DENND1A: variants seen among roughly 807,000 people sequenced by gnomAD.
DENND1A encodes the protein DENN domain containing 1A, also known as DENN domain-containing protein 1A.
Under a neutral mutation model 113.7 loss-of-function variants are expected in DENND1A, and 51 were observed. That is an observed-to-expected ratio of 0.45 (90% CI 0.36 to 0.57). The LOEUF is 0.57. Ranked by LOEUF, DENND1A falls within the 20% of genes least tolerant of loss-of-function variation. DENND1A has a pLI of 0.00. For synonymous variants in DENND1A, 565 were observed against 570.8 expected (o/e 0.99, Z 0.14); for missense variants, 1,258 against 1,395.9 (o/e 0.90, Z 1.57).
At chr9:123,825,790 T>C (rs1372229051) in intron 2 of DENND1A, among the ~76,000 whole-genome samples, 1 of 152,268 alleles carries the variant, frequency 6.6e-6, no homozygotes, top group Non-Finnish European at 1.5e-5. Flanking sequence ...TTCACCCCTC[T>C]TTCCTGGAGA....
intron 2 of DENND1A, among the ~76,000 whole-genome samples, chr9:123,861,772 G>T (rs1845089348): frequency 6.6e-6 from 1 of 152,080 alleles, no homozygotes; most frequent in African/African-American, 2.4e-5. Flanking sequence ...CAACAAAGAG[G>T]GGTTTTCTTG....
rs752681674 is a variant in DENND1A at position 123,583,198 on chromosome 9, C to T, written c.838G>A (p.Asp280Asn). The T allele has an allele frequency of 9.3e-6, 15 of 1,612,672 alleles. No individual in the cohort carries two copies. The highest frequency in any genetic ancestry group is 4.4e-5 in the South Asian group (4 of 90,864). Residue 280 changes from aspartate to asparagine, a missense_variant, in exon 12 of 24, where the codon GAT becomes AAT. Transcript: ENST00000394215. ...VDTNTLETPFDDLQSLPNDVI... is the reference protein window; with the variant it reads ...VDTNTLETPFNDLQSLPNDVI... Reference sequence around the variant, plus strand: ...TCGTTTGGGAGGCTCTGGAGGTCATCGAAGGGGGTTTCCAGGGTGTTGGTG... The same window carrying T: ...TCGTTTGGGAGGCTCTGGAGGTCATTGAAGGGGGTTTCCAGGGTGTTGGTG...
At chr9:123,497,177 C>G (rs2052002490) in intron 13 of DENND1A, among the ~76,000 whole-genome samples, 1 of 152,222 alleles carries the variant, frequency 6.6e-6, no homozygotes, top group African/African-American at 2.4e-5. Context: ...GTGTTTGCAT[C>G]TACAGCCGAC....
intron 11 of DENND1A, among the ~76,000 whole-genome samples, chr9:123,586,741 A>G (rs946976396): frequency 1.3e-5 from 2 of 152,204 alleles, no homozygotes; most frequent in African/African-American, 4.8e-5. Context: ...GAAGAAAGGC[A>G]AGAAAAACTC....
At chr9:123,419,678 T>C (rs1429171310) in intron 19 of DENND1A, among the ~76,000 whole-genome samples, 1 of 152,252 alleles carries the variant, frequency 6.6e-6, no homozygotes, top group Non-Finnish European at 1.5e-5. Context: ...AATCTGCTAT[T>C]ATGCAAGGCA....
intron 13 of DENND1A, among the ~76,000 whole-genome samples, chr9:123,538,815 T>TATATATATATATATATATAC (rs2056034286): frequency 7.4e-5 from 3 of 40,782 alleles, no homozygotes; most frequent in Non-Finnish European, 1.4e-4. Flanking sequence ...CATACATATA[T>TATATATATATATATATATAC]ATATATATAT....
At chr9:123,476,564 G>C (rs1239406413) in intron 13 of DENND1A, among the ~76,000 whole-genome samples, 1 of 152,196 alleles carries the variant, frequency 6.6e-6, no homozygotes, top group Non-Finnish European at 1.5e-5. Flanking sequence ...ATTCCCCTAG[G>C]AGGTTCTTTT....
At chr9:123,489,110 C>T (rs2772210) in intron 13 of DENND1A, among the ~76,000 whole-genome samples, 148,703 of 152,276 alleles carry the variant, frequency 0.98, 72,678 homozygotes, top group Middle Eastern at 1. Flanking sequence ...ACCTCAGACA[C>T]GCACACATAC....
chr9:123,639,928 T>A (rs886791641), intron 9 of DENND1A, among the ~76,000 whole-genome samples: 1 of 152,198 alleles, frequency 6.6e-6, no homozygotes, highest in African/African-American at 2.4e-5. Context: ...GGTAGCATTA[T>A]TGTCCCCATT....
intron 13 of DENND1A, among the ~76,000 whole-genome samples, chr9:123,552,023 GAGAGAGAGAGAGAGAC>G (rs1374639685): frequency 8.1e-4 from 115 of 141,194 alleles, no homozygotes; most frequent in Admixed American, 1.9e-3. Flanking sequence ...GAGAGCGAGA[GAGAGAGAGAGAGAGAC>G]AGAGAGAGAG....
chr9:123,514,110 CTGTGTGTGTGTCCAT>C (rs1564630557), intron 13 of DENND1A, among the ~76,000 whole-genome samples: 2 of 39,650 alleles, frequency 5.0e-5, no homozygotes. Context: ...GTGTGTGTGT[CTGTGTGTGTGTCCAT>C]GACACCCAGC....
At chr9:123,618,032 CT>C (rs2060744774) in intron 10 of DENND1A, among the ~76,000 whole-genome samples, 1 of 152,230 alleles carries the variant, frequency 6.6e-6, no homozygotes. Context: ...ATCCAATTAC[CT>C]TTGCAGCCTC....
intron 21 of DENND1A, among the ~76,000 whole-genome samples, chr9:123,395,468 CTGTG>C (rs60527655): frequency 7.0e-6 from 1 of 142,886 alleles, no homozygotes; most frequent in African/African-American, 2.7e-5. Context: ...CTCTCTCTCT[CTGTG>C]TGTGTGTGTG....
chr9:123,790,039 G>C (rs768318858), intron 3 of DENND1A, among the ~76,000 whole-genome samples: 1 of 151,960 alleles, frequency 6.6e-6, no homozygotes, highest in Non-Finnish European at 1.5e-5. Context: ...GCTATACTTT[G>C]TGGTGAATTA....
At chr9:123,792,742 G>T (rs578121778) in intron 2 of DENND1A, 112 bp from the exon 3 acceptor site, 14 of 1,190,138 alleles carry the variant, frequency 1.2e-5, no homozygotes, top group Middle Eastern at 2.0e-4. Flanking sequence ...GGGATCCAAG[G>T]GGGGCAGCTG....
chr9:123,639,968 T>C (rs2061940677), intron 9 of DENND1A, among the ~76,000 whole-genome samples: 1 of 152,076 alleles, frequency 6.6e-6, no homozygotes, highest in South Asian at 2.1e-4. Flanking sequence ...GGCTCCTGGG[T>C]GTTGAGGAAC....
At position 123,394,711 on chromosome 9, in the gene DENND1A, A is replaced by G. The variant is rs56408628; in HGVS notation, c.1632-6853T>C. On this transcript the variant is annotated intron_variant, in intron 21 of 23. Coordinates refer to ENST00000394215, the MANE Select transcript of DENND1A (RefSeq NM_001352964.2). Reference sequence around the variant, plus strand: ...CCACTGGCTGGACACTCACATAGGCAGTGGCCCCAGCACAGGATGTGGGCT... The same window carrying G: ...CCACTGGCTGGACACTCACATAGGCGGTGGCCCCAGCACAGGATGTGGGCT... Among the ~76,000 whole-genome samples, 1,139 of 152,316 alleles carry G rather than the reference A, an allele frequency of 7.5e-3. 6 individuals are homozygous for G. Among genetic ancestry groups the G allele is most frequent in the African/African-American group, 0.02 (827 of 41,562 alleles).
At chr9:123,616,960 TGTCG>T in intron 10 of DENND1A, among the ~76,000 whole-genome samples, 1 of 152,346 alleles carries the variant, frequency 6.6e-6, no homozygotes, top group East Asian at 1.9e-4. Flanking sequence ...CACAGGGTGT[TGTCG>T]GGTACACAAC....
intron 1 of DENND1A, among the ~76,000 whole-genome samples, chr9:123,902,994 G>A (rs565555060): frequency 1.3e-5 from 2 of 152,208 alleles, no homozygotes; most frequent in Admixed American, 6.5e-5. Context: ...TCCCAGGAAT[G>A]CAAGGCTGGT....
Sources: gnomAD v4.1 joint callset for allele counts (sites outside exome capture counted in the v4.1 genomes callset) on GRCh38, gnomAD v4.1.1 for gene constraint, MANE v1.5 for transcripts, NCBI Gene and HGNC (gene_info 2026-07-23, HGNC 2026-07-21) for gene names.